Variants in DPF3 observed in about 807,000 individuals in gnomAD.
DPF3 encodes the protein zinc finger protein DPF3.
DPF3 carries 18 observed loss-of-function variants against 56.8 expected under a neutral mutation model. The ratio of observed to expected loss-of-function variants is 0.32; its 90% CI spans 0.22 to 0.47. The LOEUF is 0.47. DPF3 is among the 20% of genes least tolerant of loss of function. DPF3 has a pLI of 1.00. For missense variants in DPF3, 403 were observed against 488.8 expected (o/e 0.82, Z 1.65); for synonymous variants, 188 against 180.2 (o/e 1.04, Z -0.35).
intron 7 of DPF3, among the ~76,000 whole-genome samples, chr14:72,688,707 T>C (rs1442126253): frequency 6.6e-6 from 1 of 152,160 alleles, no homozygotes; most frequent in Non-Finnish European, 1.5e-5. Flanking sequence ...TATGTGTAGG[T>C]GTATGTGTGT....
intron 1 of DPF3, among the ~76,000 whole-genome samples, chr14:72,834,811 G>C (rs1884220983): frequency 1.3e-5 from 2 of 152,194 alleles, no homozygotes; most frequent in Non-Finnish European, 2.9e-5. Flanking sequence ...TCCATCAACA[G>C]ATGAATAGGT....
intron 4 of DPF3, among the ~76,000 whole-genome samples, chr14:72,728,492 G>A (rs1217818849): frequency 6.6e-6 from 1 of 152,142 alleles, no homozygotes; most frequent in East Asian, 1.9e-4. Context: ...GTTAGGAATG[G>A]AGAGGACACG....
chr14:72,782,227 ATTTT>A (rs66977010), intron 1 of DPF3, among the ~76,000 whole-genome samples: 24 of 139,768 alleles, frequency 1.7e-4, no homozygotes, highest in Admixed American at 2.1e-4. Context: ...AGCCCAAGTG[ATTTT>A]TTTTTTTTTT....
At chr14:72,665,412 G>T (rs1416727317) in intron 8 of DPF3, among the ~76,000 whole-genome samples, 1 of 152,218 alleles carries the variant, frequency 6.6e-6, no homozygotes, top group Non-Finnish European at 1.5e-5. Context: ...AAACAGAATA[G>T]CCTGAAATCT....
chr14:72,661,852 TG>T lies in DPF3; in HGVS notation c.871+12387del, dbSNP rs1219871429. On this transcript the variant is annotated intron_variant, in intron 8 of 10. Coordinates refer to ENST00000556509, the MANE Select transcript of DPF3 (RefSeq NM_001280542.3). ...TCACCTCAGCTGATGCTTTTATTTT[TG>T]CTTTTTTTTTTTTTTTTTTTTTGCT... 779 of 958,258 alleles carry T rather than the reference TG, an allele frequency of 8.1e-4. 8 individuals are homozygous for T. The African/African-American group carries it at 0.016, about 19-fold the overall frequency. 59.4% of individuals were successfully genotyped at this position (958,258 alleles called of 1,614,324 possible). A position where few individuals can be genotyped will look rare whatever the true frequency, so the allele number is the denominator to read the frequency against.
intron 1 of DPF3, among the ~76,000 whole-genome samples, chr14:72,857,932 C>A (rs886697688): frequency 6.6e-6 from 1 of 152,084 alleles, no homozygotes; most frequent in African/African-American, 2.4e-5. Flanking sequence ...CTTGCAACAT[C>A]TCTTTGAGGT....
At chr14:72,677,201 T>C (rs1886947529) in intron 7 of DPF3, among the ~76,000 whole-genome samples, 2 of 152,198 alleles carry the variant, frequency 1.3e-5, no homozygotes, top group African/African-American at 4.8e-5. Flanking sequence ...ATTTTTAGTC[T>C]GGCAATGGCC....
intron 5 of DPF3, among the ~76,000 whole-genome samples, chr14:72,718,846 A>G (rs1599382208): frequency 7.5e-6 from 1 of 133,364 alleles, no homozygotes; most frequent in African/African-American, 2.9e-5. Context: ...GCTCACTGCA[A>G]CCTCCGCCTC....
chr14:72,638,840 G>A (rs538002938), intron 8 of DPF3, among the ~76,000 whole-genome samples: 13 of 130,930 alleles, frequency 9.9e-5, no homozygotes, highest in African/African-American at 2.9e-4. Flanking sequence ...TTTTTGAGAC[G>A]GAGTCTTGAT....
chr14:72,824,705 G>C lies in DPF3; in HGVS notation c.33-52812C>G, dbSNP rs1029023742. Reference sequence around the variant, plus strand: ...CTCCTCCTCAGTCTCCCAAGTGGCTGGGATTACAGGCACCTGCCATCACCC... The same window carrying C: ...CTCCTCCTCAGTCTCCCAAGTGGCTCGGATTACAGGCACCTGCCATCACCC... On this transcript the variant is annotated intron_variant, in intron 1 of 10. Transcript: ENST00000556509. Among the ~76,000 whole-genome samples, 17 of 151,988 alleles carry C rather than the reference G, an allele frequency of 1.1e-4. No homozygotes were observed. The East Asian group carries it at 3.3e-3, about 30-fold the overall frequency.
rs750245820 is a variant in DPF3 at position 72,670,905 on chromosome 14, C to T, written c.871+3335G>A. The T allele has an allele frequency of 2.1e-5, 27 of 1,262,842 alleles. No individual in the cohort carries two copies. The Middle Eastern group carries it at 2.6e-3, about 120-fold the overall frequency. 78.2% of individuals were successfully genotyped at this position (1,262,842 alleles called of 1,614,324 possible). A position where few individuals can be genotyped will look rare whatever the true frequency, so the allele number is the denominator to read the frequency against. ...CACGATGCCATCTCTCGGAAGAACG[C>T]TCATTCTGCTGTTTTGTTTTGTTTC... On this transcript the variant is annotated intron_variant, in intron 8 of 10. Transcript: ENST00000556509.
At chr14:72,784,520 T>C (rs1290656887) in intron 1 of DPF3, among the ~76,000 whole-genome samples, 2 of 152,186 alleles carry the variant, frequency 1.3e-5, no homozygotes, top group Non-Finnish European at 2.9e-5. Flanking sequence ...CTTCCCCCAC[T>C]ATACTTATTT....
chr14:72,647,994 C>T lies in DPF3; in HGVS notation c.872-18258G>A, dbSNP rs1230910745. Among the ~76,000 whole-genome samples the T allele has an allele frequency of 3.9e-5, 6 of 152,278 alleles. No individual in the cohort carries two copies. The East Asian group carries it at 5.8e-4, about 15-fold the overall frequency. On this transcript the variant is annotated intron_variant, in intron 8 of 10. Transcript: ENST00000556509. ...CTTAGATTCCACATCCAGCCTTGCA[C>T]GTGTCTGCCTACCCCTCTACCCCTT...
At chr14:72,809,269 A>G (rs1882926556) in intron 1 of DPF3, among the ~76,000 whole-genome samples, 1 of 152,252 alleles carries the variant, frequency 6.6e-6, no homozygotes, top group Non-Finnish European at 1.5e-5. Context: ...CTGGTATTCC[A>G]TTACAGCAAC....
rs751645274 is a variant in DPF3 at position 72,804,909 on chromosome 14, A to G, written c.33-33016T>C. Among the ~76,000 whole-genome samples the G allele has an allele frequency of 4.6e-5, 7 of 152,296 alleles. No homozygotes were observed. The South Asian group carries it at 6.2e-4, about 14-fold the overall frequency. On this transcript the variant is annotated intron_variant, in intron 1 of 10. Transcript: ENST00000556509. ...CAGCCACTAACTAGCTGTTTCCTTGATTTATTCAAGAGGTATGTGTTCCCT... is the reference window on the plus strand; with the variant it reads ...CAGCCACTAACTAGCTGTTTCCTTGGTTTATTCAAGAGGTATGTGTTCCCT...
chr14:72,809,418 C>T (rs8008967), intron 1 of DPF3, among the ~76,000 whole-genome samples: 45,821 of 152,014 alleles, frequency 0.3, 7,167 homozygotes, highest in East Asian at 0.46. Flanking sequence ...ATGGGGGTTA[C>T]CAGAAAGAGT....
chr14:72,854,294 T>C (rs1430655037), intron 1 of DPF3, among the ~76,000 whole-genome samples: 1 of 148,486 alleles, frequency 6.7e-6, no homozygotes, highest in Non-Finnish European at 1.5e-5. Context: ...AGGTGGAGGT[T>C]GCAGTGAGCC....
rs977401275 is a variant in DPF3 at position 72,613,020 on chromosome 14, G to C, written c.*6277C>G. Reference sequence around the variant, plus strand: ...TGTGTGTGTGTGTGTGTGTGTGTGTGTGTGTGTGTGTATGTGCGTGCGTGC... The same window carrying C: ...TGTGTGTGTGTGTGTGTGTGTGTGTCTGTGTGTGTGTATGTGCGTGCGTGC... On this transcript the variant is annotated 3_prime_UTR_variant, in exon 11 of 11. Transcript: ENST00000556509. 2.0e-5 allele frequency among the ~76,000 whole-genome samples: 3 copies of C among 151,996 alleles called. No homozygotes were observed. Among genetic ancestry groups the C allele is most frequent in the African/African-American group, 7.2e-5 (3 of 41,392 alleles).
intron 2 of DPF3, among the ~76,000 whole-genome samples, chr14:72,756,582 G>A (rs1426143682): frequency 6.6e-6 from 1 of 152,108 alleles, no homozygotes; most frequent in Non-Finnish European, 1.5e-5. Flanking sequence ...GGAAGCCAAG[G>A]CCAGCAGATC....
Sources: allele counts gnomAD v4.1 joint callset (sites outside exome capture counted in the v4.1 genomes callset), GRCh38; gene constraint gnomAD v4.1.1; transcripts MANE v1.5; gene names NCBI Gene and HGNC (gene_info 2026-07-23, HGNC 2026-07-21).